The following SH3RF3 variants were observed in gnomAD, a reference collection of about 807,000 sequenced individuals.
The protein encoded by SH3RF3 is SH3 domain containing ring finger 3.
A neutral mutation model predicts 66.3 loss-of-function variants in SH3RF3; 29 were observed. That is an observed-to-expected ratio of 0.44 (90% CI 0.33 to 0.60). The LOEUF is 0.60. Ranked by LOEUF, SH3RF3 falls within the 20% of genes least tolerant of loss-of-function variation. The pLI is 0.04. For missense variants in SH3RF3, 1,194 were observed against 1,190.9 expected (o/e 1.00, Z -0.04); for synonymous variants, 583 against 532.0 (o/e 1.10, Z -1.32).
intron 8 of SH3RF3, among the ~76,000 whole-genome samples, chr2:109,466,500 T>A (rs1489894338): frequency 6.6e-6 from 1 of 152,234 alleles, no homozygotes; most frequent in Non-Finnish European, 1.5e-5. Context: ...CAGTGGTCTT[T>A]TGCAAATATT....
intron 1 of SH3RF3, among the ~76,000 whole-genome samples, chr2:109,200,204 G>A (rs1471440516): frequency 6.6e-6 from 1 of 152,094 alleles, no homozygotes; most frequent in African/African-American, 2.4e-5. Context: ...AGAAACTCCA[G>A]AACACCCCAT....
At position 109,461,856 on chromosome 2, in the gene SH3RF3, G is replaced by A. The variant is rs188356251; in HGVS notation, c.2148+12367G>A. Among the ~76,000 whole-genome samples the A allele has an allele frequency of 3.6e-4, 55 of 152,248 alleles. 1 individual carries two copies. Among genetic ancestry groups the A allele is most frequent in the African/African-American group, 1.2e-3 (51 of 41,548 alleles). ...CCTACTCAAAACTATCAATTTTGGG[G>A]GTCACTTAATAAATAGGCCAAATTA... On this transcript the variant is annotated intron_variant, in intron 8 of 9. Transcript: ENST00000309415.
intron 8 of SH3RF3, among the ~76,000 whole-genome samples, chr2:109,468,133 G>A (rs908377829): frequency 3.3e-5 from 5 of 152,214 alleles, no homozygotes; most frequent in African/African-American, 1.2e-4. Flanking sequence ...GCGTCGTTTG[G>A]TGATTTTGTC....
intron 3 of SH3RF3, among the ~76,000 whole-genome samples, chr2:109,397,582 A>G (rs1676183908): frequency 1.3e-5 from 2 of 152,194 alleles, no homozygotes; most frequent in Non-Finnish European, 2.9e-5. Context: ...TCCTCCAGGT[A>G]TAGGATCAGG....
intron 3 of SH3RF3, among the ~76,000 whole-genome samples, chr2:109,375,513 A>G (rs894778614): frequency 6.6e-6 from 1 of 152,250 alleles, no homozygotes; most frequent in East Asian, 1.9e-4. Flanking sequence ...AACTAAATCC[A>G]AACACTCCAC....
chr2:109,233,419 T>C (rs1450188410), intron 1 of SH3RF3, among the ~76,000 whole-genome samples: 1 of 152,254 alleles, frequency 6.6e-6, no homozygotes, highest in African/African-American at 2.4e-5. Context: ...CCTTTCAATG[T>C]TCAGACACTT....
At chr2:109,146,790 G>GC (rs111312265) in intron 1 of SH3RF3, among the ~76,000 whole-genome samples, 10 of 116,334 alleles carry the variant, frequency 8.6e-5, no homozygotes, top group South Asian at 3.2e-4. Flanking sequence ...TTTCTTTAGT[G>GC]CCCCCCCCAT....
At chr2:109,437,292 C>A (rs569354864) in intron 7 of SH3RF3, 146 bp downstream of exon 7, 449 of 1,308,870 alleles carry the variant, frequency 3.4e-4, no homozygotes, top group Non-Finnish European at 4.2e-4. Flanking sequence ...TTAAGGAAAA[C>A]CGGTTTGGCC....
chr2:109,203,668 G>T (rs1678739548), intron 1 of SH3RF3, among the ~76,000 whole-genome samples: 1 of 152,066 alleles, frequency 6.6e-6, no homozygotes, highest in South Asian at 2.1e-4. Flanking sequence ...TCCTGGCCCT[G>T]TGTCTCTGTG....
intron 1 of SH3RF3, among the ~76,000 whole-genome samples, chr2:109,130,453 C>A (rs1676664028): frequency 1.3e-5 from 2 of 152,280 alleles, no homozygotes; most frequent in African/African-American, 4.8e-5. Flanking sequence ...TCCTCTGGGT[C>A]CCCAGACACT....
chr2:109,439,952 G>A lies in SH3RF3; in HGVS notation c.1828+2806G>A, dbSNP rs527416135. 1.3e-3 allele frequency among the ~76,000 whole-genome samples: 195 copies of A among 152,280 alleles called. 1 individual carries two copies. The highest frequency in any genetic ancestry group is 4.4e-3 in the African/African-American group (184 of 41,570). ...TCCGACTGGGGAGGAAAATAGGAGG[G>A]GGATTGGGAGTAGGGCATATGGAAA... On this transcript the variant is annotated intron_variant, in intron 7 of 9. Transcript: ENST00000309415.
intron 8 of SH3RF3, among the ~76,000 whole-genome samples, chr2:109,482,112 G>A (rs915658899): frequency 3.3e-5 from 5 of 152,138 alleles, no homozygotes; most frequent in African/African-American, 7.2e-5. Context: ...TCCCGGGTTC[G>A]AATGCGGCTT....
chr2:109,142,005 C>A (rs1481540724), intron 1 of SH3RF3, among the ~76,000 whole-genome samples: 1 of 151,776 alleles, frequency 6.6e-6, no homozygotes, highest in Non-Finnish European at 1.5e-5. Flanking sequence ...CATTTCCAGC[C>A]CCCTGCCCAA....
intron 8 of SH3RF3, among the ~76,000 whole-genome samples, chr2:109,471,255 AATGT>A (rs1290353585): frequency 2.0e-5 from 3 of 151,670 alleles, no homozygotes; most frequent in Non-Finnish European, 4.4e-5. Flanking sequence ...GAGACTGAGT[AATGT>A]ATAAAGGAAA....
intron 5 of SH3RF3, among the ~76,000 whole-genome samples, chr2:109,427,888 TG>T (rs1224530910): frequency 4.6e-5 from 7 of 152,268 alleles, no homozygotes; most frequent in Non-Finnish European, 7.3e-5. Flanking sequence ...CTGGCCATCC[TG>T]AGGCCATACC....
chr2:109,206,314 C>A (rs934908460), intron 1 of SH3RF3, among the ~76,000 whole-genome samples: 3 of 151,732 alleles, frequency 2.0e-5, no homozygotes, highest in East Asian at 3.9e-4. Context: ...CATGGTGAAA[C>A]CCTGTCTCTA....
rs1679450761 is a variant in SH3RF3 at position 109,503,542 on chromosome 2, G to C, written c.*1871G>C. 2 of 152,112 alleles carry C rather than the reference G, an allele frequency of 1.3e-5. No homozygotes were observed. Among genetic ancestry groups the C allele is most frequent in the African/African-American group, 4.8e-5 (2 of 41,398 alleles). 9.4% of individuals were successfully genotyped at this position (152,112 alleles called of 1,614,324 possible). ...AAACATAGTAACTTCTGTGTGCCAG[G>C]TTAATGACAACCAAAAGCTCTCTAT... On this transcript the variant is annotated 3_prime_UTR_variant, in exon 10 of 10. Coordinates refer to ENST00000309415, the MANE Select transcript of SH3RF3 (RefSeq NM_001099289.3).
intron 1 of SH3RF3, among the ~76,000 whole-genome samples, chr2:109,326,103 T>C (rs978917736): frequency 2.0e-5 from 3 of 152,210 alleles, no homozygotes; most frequent in Non-Finnish European, 2.9e-5. Flanking sequence ...GGTAAAACAT[T>C]TAAGGACACA....
At chr2:109,426,079 A>G (rs1677021700) in intron 5 of SH3RF3, among the ~76,000 whole-genome samples, 1 of 151,902 alleles carries the variant, frequency 6.6e-6, no homozygotes, top group Non-Finnish European at 1.5e-5. Flanking sequence ...TGTATATTGT[A>G]TATTTTTTTA....
Sources: gnomAD v4.1 joint callset for allele counts (sites outside exome capture counted in the v4.1 genomes callset) on GRCh38, gnomAD v4.1.1 for gene constraint, MANE v1.5 for transcripts, NCBI Gene and HGNC (gene_info 2026-07-23, HGNC 2026-07-21) for gene names.